Variants in ATP7B observed in about 807,000 individuals in gnomAD.
ATP7B encodes the protein ATPase copper transporting beta, also known as copper-transporting ATPase 2.
ATP7B carries 113 observed loss-of-function variants against 118.9 expected under a neutral mutation model. That is an observed-to-expected ratio of 0.95 (90% CI 0.82 to 1.11). ATP7B has a LOEUF of 1.11. Ranked by LOEUF, ATP7B falls within the 50% of genes most tolerant of loss-of-function variation. The probability of loss-of-function intolerance (pLI) is 0.00; values close to 1 mark genes in which losing one functional copy is unlikely to be tolerated. For missense variants in ATP7B, 1,867 were observed against 1,871.4 expected (o/e 1.00, Z 0.04); for synonymous variants, 777 against 727.4 (o/e 1.07, Z -1.10).
At chr13:51,940,379 T>A (rs1438019362) in intron 16 of ATP7B, among the ~76,000 whole-genome samples, 1 of 140,214 alleles carries the variant, frequency 7.1e-6, no homozygotes, top group Non-Finnish European at 1.6e-5. Flanking sequence ...GAAGGGCAGG[T>A]GCGGTGGCTC....
chr13:51,941,200 A>G lies in ATP7B; in HGVS notation c.3437T>C (p.Val1146Ala), dbSNP rs2138787759. Residue 1146 changes from valine (V) to alanine (A), a missense_variant, in exon 16 of 21, where the codon GTG becomes GCG. Physicochemically the swap from Val to Ala is moderately conservative, Grantham distance 64 (BLOSUM62 0). Transcript: ENST00000242839. ...EKDAVPQTFS[V>A]LIGNREWLRR... ...CAGCCACTCACGGTTTCCAATCAGCACAGAGAAGGTCTGGGGGACTGCATC... is the reference window on the plus strand; with the variant it reads ...CAGCCACTCACGGTTTCCAATCAGCGCAGAGAAGGTCTGGGGGACTGCATC... 6.2e-7 allele frequency: 1 copy of G among 1,614,196 alleles called. No individual in the cohort carries two copies. Among genetic ancestry groups the G allele is most frequent in the Non-Finnish European group, 8.5e-7 (1 of 1,180,036 alleles).
chr13:51,948,353 T>C (rs2139139142), intron 12 of ATP7B, among the ~76,000 whole-genome samples: 1 of 152,268 alleles, frequency 6.6e-6, no homozygotes, highest in South Asian at 2.1e-4. Flanking sequence ...TGGACTCAAA[T>C]GATCCTCTGC....
At chr13:51,979,942 C>A (rs977774550) in intron 1 of ATP7B, among the ~76,000 whole-genome samples, 2 of 152,190 alleles carry the variant, frequency 1.3e-5, no homozygotes, top group Non-Finnish European at 2.9e-5. Context: ...CAAAGCCTTG[C>A]AAATAACATA....
intron 9 of ATP7B, among the ~76,000 whole-genome samples, chr13:51,950,886 A>G (rs1957960309): frequency 6.6e-6 from 1 of 152,124 alleles, no homozygotes; most frequent in South Asian, 2.1e-4. Context: ...GGCAGGCAGG[A>G]AGGGTGCGTC....
At chr13:51,986,349 C>A (rs1451716219) in intron 1 of ATP7B, among the ~76,000 whole-genome samples, 1 of 152,148 alleles carries the variant, frequency 6.6e-6, no homozygotes, top group Non-Finnish European at 1.5e-5. Context: ...CATACACCCT[C>A]CAAAGTCTAA....
chr13:51,946,653 C>A, intron 12 of ATP7B, 175 bp from the exon 13 acceptor site: 1 of 725,676 alleles, frequency 1.4e-6, no homozygotes, highest in South Asian at 1.6e-5. Context: ...TTACTGCTCT[C>A]CACATCCCAG....
intron 1 of ATP7B, among the ~76,000 whole-genome samples, chr13:51,988,433 T>C (rs988813224): frequency 2.6e-5 from 4 of 152,124 alleles, no homozygotes; most frequent in South Asian, 2.1e-4. Context: ...TGTAGAGAAA[T>C]AGGAACACTT....
At chr13:51,983,437 A>T (rs1467150771) in intron 1 of ATP7B, among the ~76,000 whole-genome samples, 1 of 152,152 alleles carries the variant, frequency 6.6e-6, no homozygotes, top group African/African-American at 2.4e-5. Context: ...AGATGAAGCC[A>T]TCTCCCTGGG....
At chr13:52,008,712 T>A (rs553500632) in intron 1 of ATP7B, among the ~76,000 whole-genome samples, 2 of 152,328 alleles carry the variant, frequency 1.3e-5, no homozygotes, top group East Asian at 3.9e-4. Context: ...ACTCTCACAC[T>A]TTATGGTTTC....
At chr13:51,977,372 C>G (rs1459768835) in intron 1 of ATP7B, among the ~76,000 whole-genome samples, 2 of 152,028 alleles carry the variant, frequency 1.3e-5, no homozygotes, top group Non-Finnish European at 2.9e-5. Context: ...ACTGTTTAAG[C>G]ATTTTTGTTA....
intron 9 of ATP7B, among the ~76,000 whole-genome samples, chr13:51,952,418 A>G (rs574862347): frequency 7.9e-5 from 12 of 152,380 alleles, no homozygotes; most frequent in African/African-American, 2.9e-4. Context: ...TACAAAGACT[A>G]CATTTAAACT....
intron 5 of ATP7B, 27 bp from the exon 6 acceptor site, chr13:51,961,940 GA>G (rs1405249196): frequency 3.8e-6 from 6 of 1,574,746 alleles, no homozygotes; most frequent in African/African-American, 1.4e-5. Context: ...GAGGGGTGGG[GA>G]AAAAGGAGGA....
intron 1 of ATP7B, among the ~76,000 whole-genome samples, chr13:51,994,344 C>A (rs192356069): frequency 1.3e-3 from 204 of 152,316 alleles, no homozygotes; most frequent in Admixed American, 2.9e-3. Flanking sequence ...TCCCCTAAAA[C>A]CACTCGAACC....
intron 9 of ATP7B, among the ~76,000 whole-genome samples, chr13:51,953,851 T>TTAAAAAAAAAAAAAAA (rs1822363236): frequency 1.1e-5 from 1 of 94,362 alleles, no homozygotes; most frequent in African/African-American, 4.3e-5. Flanking sequence ...CCATCAATTG[T>TTAAAAAAAAAAAAAAA]AAAAAAAAAA....
Position 51,949,667 on chromosome 13 carries a change from A to T in ATP7B, c.2860T>A (p.Phe954Ile). Reference sequence around the variant, plus strand: ...GCCCAAGGCATTCAACTTACAGGAAAGTATCTCTGAACAACACCAAAATCG... The same window carrying T: ...GCCCAAGGCATTCAACTTACAGGAATGTATCTCTGAACAACACCAAAATCG... ...FIDFGVVQRY[F>I]PNPNKHISQT... The change falls in exon 12 of 21, where the codon TTT becomes ATT. Residue 954 changes from phenylalanine to isoleucine, a missense_variant. Physicochemically the swap from Phe to Ile is conservative, Grantham distance 21. Coordinates refer to ENST00000242839, the MANE Select transcript of ATP7B (RefSeq NM_000053.4). 6.2e-7 allele frequency: 1 copy of T among 1,613,942 alleles called. No homozygotes were observed. Among genetic ancestry groups the T allele is most frequent in the Non-Finnish European group, 8.5e-7 (1 of 1,180,020 alleles).
intron 16 of ATP7B, among the ~76,000 whole-genome samples, chr13:51,939,774 C>T (rs964862082): frequency 1.3e-5 from 2 of 151,776 alleles, no homozygotes; most frequent in Non-Finnish European, 1.5e-5. Flanking sequence ...GTTTGATAGC[C>T]GAGGGGCGGG....
chr13:51,951,889 G>T (rs1211257886), intron 9 of ATP7B, among the ~76,000 whole-genome samples: 2 of 152,218 alleles, frequency 1.3e-5, no homozygotes, highest in Admixed American at 1.3e-4. Flanking sequence ...GTGAGAGACT[G>T]AAATGAGGAC....
chr13:51,981,938 C>T (rs1952442074), intron 1 of ATP7B, among the ~76,000 whole-genome samples: 1 of 151,830 alleles, frequency 6.6e-6, no homozygotes, highest in African/African-American at 2.4e-5. Flanking sequence ...CCCAGGATGG[C>T]TTTGAATACG....
chr13:51,957,722 C>A (rs1028523873), intron 8 of ATP7B, 115 bp from the exon 9 acceptor site: 3 of 987,052 alleles, frequency 3.0e-6, no homozygotes, highest in Non-Finnish European at 4.8e-6. Context: ...AACAGCCGCA[C>A]GGCACGATAA....
Sources: gnomAD v4.1 joint callset for allele counts (sites outside exome capture counted in the v4.1 genomes callset) on GRCh38, gnomAD v4.1.1 for gene constraint, MANE v1.5 for transcripts, NCBI Gene and HGNC (gene_info 2026-07-23, HGNC 2026-07-21) for gene names.